The following PREX1 variants were observed in gnomAD, a reference collection of about 807,000 sequenced individuals.
PREX1 encodes phosphatidylinositol-3,4,5-trisphosphate dependent Rac exchange factor 1, also known as phosphatidylinositol 3,4,5-trisphosphate-dependent Rac exchanger 1 protein.
A neutral mutation model predicts 198.3 loss-of-function variants in PREX1; 41 were observed. The observed-to-expected ratio is 0.21, with a 90% CI of 0.16 to 0.27. The LOEUF is 0.27. PREX1 is among the 10% of genes least tolerant of loss of function. PREX1 has a pLI of 1.00. For synonymous variants in PREX1, 843 were observed against 887.2 expected (o/e 0.95, Z 0.89); for missense variants, 1,620 against 2,200.7 (o/e 0.74, Z 5.28).
the PREX1 span, among the ~76,000 whole-genome samples, chr20:48,853,387 G>A: frequency 6.6e-5 from 10 of 152,176 alleles, no homozygotes; most frequent in Non-Finnish European, 1.5e-4. Context: ...AATCATGGCT[G>A]AAGGCACCTC....
At chr20:48,679,983 G>A (rs985566025) in intron 11 of PREX1, among the ~76,000 whole-genome samples, 11 of 152,072 alleles carry the variant, frequency 7.2e-5, no homozygotes, top group Non-Finnish European at 1.3e-4. Flanking sequence ...CTCCTGCTAC[G>A]TGCAGGACCC....
intron 1 of PREX1, among the ~76,000 whole-genome samples, chr20:48,803,209 G>A (rs1002633350): frequency 1.2e-4 from 19 of 152,158 alleles, no homozygotes; most frequent in African/African-American, 4.3e-4. Flanking sequence ...GCAGGCCCAC[G>A]AGGCCAATCT....
At chr20:48,862,791 ATAT>A in the PREX1 span, among the ~76,000 whole-genome samples, 1 of 33,920 alleles carries the variant, frequency 2.9e-5, no homozygotes, top group Non-Finnish European at 6.4e-5. Context: ...AAAAAAAAAA[ATAT>A]ATATATATAT....
intron 11 of PREX1, among the ~76,000 whole-genome samples, chr20:48,680,847 G>A (rs940769613): frequency 2.0e-5 from 3 of 151,736 alleles, no homozygotes; most frequent in Non-Finnish European, 4.4e-5. Context: ...AGATCTTATC[G>A]TCCCCTCCAA....
chr20:48,851,875 G>C, the PREX1 span, among the ~76,000 whole-genome samples: 2 of 152,174 alleles, frequency 1.3e-5, no homozygotes, highest in African/African-American at 4.8e-5. Context: ...CCTTGAACTT[G>C]GTCCCTACGA....
At chr20:48,734,284 T>C (rs2090047423) in intron 4 of PREX1, among the ~76,000 whole-genome samples, 1 of 152,218 alleles carries the variant, frequency 6.6e-6, no homozygotes. Context: ...CCCACTCCTC[T>C]ACACATTCTC....
At chr20:48,852,339 A>T in the PREX1 span, among the ~76,000 whole-genome samples, 1 of 152,106 alleles carries the variant, frequency 6.6e-6, no homozygotes, top group Non-Finnish European at 1.5e-5. Flanking sequence ...CCCATAGGTC[A>T]TGGTGCTGGA....
rs544012726 is a variant in PREX1, at chr20:48,759,347, C to T, written c.220-11467G>A. On this transcript the variant is annotated intron_variant, in intron 1 of 39. Coordinates refer to ENST00000371941, the MANE Select transcript of PREX1 (RefSeq NM_020820.4). ...GGTGGATCACCTGAGGTCAGGAGTT[C>T]GCGACCAGCCTGACCAACATAGTGA... Among the ~76,000 whole-genome samples the T allele has an allele frequency of 1.2e-3, 179 of 152,006 alleles. 1 individual carries two copies. Among genetic ancestry groups the T allele is most frequent in the African/African-American group, 2.4e-3 (99 of 41,482 alleles).
Position 48,644,421 on chromosome 20 carries a change from C to T in PREX1, c.3589G>A (p.Glu1197Lys), listed in dbSNP as rs1380991041. ...RSNSSYLGSD[E>K]MGSGDELPCD... Reference sequence around the variant, plus strand: ...CCACTCCACTCACCAGACCCCATCTCGTCGCTGCCCAAGTAGGAGCTGTTA... The same window carrying T: ...CCACTCCACTCACCAGACCCCATCTTGTCGCTGCCCAAGTAGGAGCTGTTA... Residue 1197 changes from glutamate to lysine, a missense_variant, in exon 27 of 40, where the codon GAG becomes AAG. Transcript: ENST00000371941. 6.2e-7 allele frequency: 1 copy of T among 1,613,660 alleles called. No homozygotes were observed. Among genetic ancestry groups the T allele is most frequent in the Non-Finnish European group, 8.5e-7 (1 of 1,179,698 alleles).
Position 48,798,187 on chromosome 20 carries a change from TG to T in PREX1, c.219+29454del, listed in dbSNP as rs371306654. ...CCTCCAGGAAGCCTTCCAGGTTGTA[TG>T]GGTCAAGGTCTAGTTTCCCCTCCTC... is the stretch of plus-strand genomic sequence containing the variant. On this transcript the variant is annotated intron_variant, in intron 1 of 39. Coordinates refer to ENST00000371941, the MANE Select transcript of PREX1 (RefSeq NM_020820.4). Among the ~76,000 whole-genome samples the T allele has an allele frequency of 1.9e-3, 284 of 152,296 alleles. 4 individuals carry two copies. The highest frequency in any genetic ancestry group is 6.4e-3 in the African/African-American group (268 of 41,568).
intron 8 of PREX1, 77 bp downstream of exon 8, chr20:48,692,595 T>C: frequency 4.1e-6 from 5 of 1,220,970 alleles, no homozygotes; most frequent in East Asian, 2.5e-5. Flanking sequence ...AAAAAATATA[T>C]TTAAATGAAA....
chr20:48,758,861 G>A (rs1037755244), intron 1 of PREX1, among the ~76,000 whole-genome samples: 2 of 152,104 alleles, frequency 1.3e-5, no homozygotes, highest in Non-Finnish European at 2.9e-5. Context: ...CTGTCACCAT[G>A]GACATTATGT....
At chr20:48,761,457 T>C (rs2090179647) in intron 1 of PREX1, among the ~76,000 whole-genome samples, 1 of 152,154 alleles carries the variant, frequency 6.6e-6, no homozygotes. Context: ...ATCAATCATC[T>C]AGAGTAGACT....
chr20:48,664,244 G>C (rs74881895), intron 15 of PREX1, among the ~76,000 whole-genome samples: 2,751 of 152,184 alleles, frequency 0.018, 82 homozygotes, highest in African/African-American at 0.06. Context: ...GTGTGGTGGC[G>C]GGTGCCTGCG....
rs1425243975 is a variant in PREX1 at position 48,827,311 on chromosome 20, C to A, written c.219+331G>T. Among the ~76,000 whole-genome samples the A allele has an allele frequency of 3.9e-5, 6 of 152,234 alleles. No homozygotes were observed. The highest frequency in any genetic ancestry group is 6.5e-5 in the Admixed American group (1 of 15,288). On this transcript the variant is annotated intron_variant, in intron 1 of 39. Transcript: ENST00000371941. This position sits in a 1 kb window ranked among gnomAD's most constrained non-coding sequence, Gnocchi z 4.1. ...CAGGAGCGCCAGCTCCCGGCGCCGC[C>A]GGGGTCCCCAAGCCCCTGCATCGCG...
intron 1 of PREX1, among the ~76,000 whole-genome samples, chr20:48,763,951 C>T (rs774427457): frequency 6.6e-6 from 1 of 152,182 alleles, no homozygotes; most frequent in Non-Finnish European, 1.5e-5. Flanking sequence ...AAAAAGGAGA[C>T]CGAGGTTCTC....
At position 48,760,068 on chromosome 20, in the gene PREX1, C is replaced by T. The variant is rs1277723180; in HGVS notation, c.220-12188G>A. Among the ~76,000 whole-genome samples the T allele has an allele frequency of 2.0e-5, 3 of 151,724 alleles. 1 individual carries two copies. Among genetic ancestry groups the T allele is most frequent in the Non-Finnish European group, 4.4e-5 (3 of 67,880 alleles). On this transcript the variant is annotated intron_variant, in intron 1 of 39. Transcript: ENST00000371941. ...CAGAGGTTGCAGTGAGCCAAGATCG[C>T]ACCACTGCACTTCAGCCTGGATGAC...
At chr20:48,878,721 C>T in the PREX1 span, among the ~76,000 whole-genome samples, 1 of 152,186 alleles carries the variant, frequency 6.6e-6, no homozygotes, top group African/African-American at 2.4e-5. Context: ...TGACCTATCC[C>T]AGATCCAGAG....
chr20:48,739,053 A>G lies in PREX1; in HGVS notation c.415-4403T>C, dbSNP rs77941335. Among the ~76,000 whole-genome samples, 62 of 152,318 alleles carry G rather than the reference A, an allele frequency of 4.1e-4. No individual in the cohort carries two copies. In the East Asian group the frequency reaches 0.012, roughly 28 times the overall value. ...AACCTGCAATGGCTTTCACTGACTC[A>G]GAATAAGATCTACAGTCCTCACCTC... On this transcript the variant is annotated intron_variant, in intron 3 of 39. Coordinates refer to ENST00000371941, the MANE Select transcript of PREX1 (RefSeq NM_020820.4).
Sources: gnomAD v4.1 joint callset for allele counts (sites outside exome capture counted in the v4.1 genomes callset) on GRCh38, gnomAD v4.1.1 for gene constraint, Gnocchi (gnomAD v3.1) non-coding constraint, MANE v1.5 for transcripts, NCBI Gene and HGNC (gene_info 2026-07-23, HGNC 2026-07-21) for gene names.